ANGPT1: variants seen among roughly 807,000 people sequenced by gnomAD.
The protein encoded by ANGPT1 is angiopoietin-1.
A neutral mutation model predicts 62.2 loss-of-function variants in ANGPT1; 17 were observed. That is an observed-to-expected ratio of 0.27 (90% CI 0.19 to 0.41). The LOEUF is 0.41. ANGPT1 is among the 10% of genes least tolerant of loss of function. ANGPT1 has a pLI of 1.00. For synonymous variants in ANGPT1, 199 were observed against 198.9 expected, an observed-to-expected ratio of 1.00 and a Z score of 0.00; for missense variants, 478 against 594.9, an observed-to-expected ratio of 0.80 and a Z score of 2.04.
intron 5 of ANGPT1, among the ~76,000 whole-genome samples, chr8:107,301,961 C>T (rs774697181): frequency 9.9e-5 from 15 of 151,886 alleles, no homozygotes; most frequent in Non-Finnish European, 1.9e-4. Context: ...CTCCAGGATT[C>T]ATTTCCTTTG....
intron 4 of ANGPT1, among the ~76,000 whole-genome samples, chr8:107,319,082 G>T: frequency 6.6e-6 from 1 of 152,146 alleles, no homozygotes; most frequent in East Asian, 1.9e-4. Flanking sequence ...ACTGAATCTT[G>T]TCCATCGAAG....
At chr8:107,460,107 C>A (rs1047263169) in intron 1 of ANGPT1, among the ~76,000 whole-genome samples, 6 of 152,192 alleles carry the variant, frequency 3.9e-5, no homozygotes, top group African/African-American at 1.4e-4. Context: ...CACGTCTGAG[C>A]ATTTCACAGT....
At chr8:107,259,549 T>A (rs1282318835) in intron 8 of ANGPT1, among the ~76,000 whole-genome samples, 1 of 152,144 alleles carries the variant, frequency 6.6e-6, no homozygotes, top group Admixed American at 6.5e-5. Context: ...AGTTTCTACT[T>A]CAATAGATTC....
At chr8:107,317,050 C>T (rs895928849) in intron 4 of ANGPT1, among the ~76,000 whole-genome samples, 2 of 152,176 alleles carry the variant, frequency 1.3e-5, no homozygotes, top group African/African-American at 4.8e-5. Flanking sequence ...CAAGAAAACT[C>T]TAGAGATGCT....
chr8:107,350,853 A>C (rs1463410537), intron 1 of ANGPT1, among the ~76,000 whole-genome samples: 1 of 152,166 alleles, frequency 6.6e-6, no homozygotes, highest in Non-Finnish European at 1.5e-5. Context: ...TGTGATTAAT[A>C]AGGAGGACTG....
chr8:107,403,306 G>A (rs976937203), intron 1 of ANGPT1, among the ~76,000 whole-genome samples: 19 of 152,190 alleles, frequency 1.2e-4, no homozygotes, highest in African/African-American at 4.1e-4. Context: ...CTGGAACTTT[G>A]TTATTTGCGA....
At chr8:107,302,441 G>A (rs182459357) in intron 5 of ANGPT1, among the ~76,000 whole-genome samples, 25 of 151,992 alleles carry the variant, frequency 1.6e-4, no homozygotes, top group Admixed American at 5.3e-4. Flanking sequence ...CATATACCCT[G>A]CTTTACACAG....
chr8:107,347,248 G>C (rs1815826678), intron 1 of ANGPT1, 151 bp from the exon 2 acceptor site: 2 of 681,232 alleles, frequency 2.9e-6, no homozygotes, highest in African/African-American at 1.8e-5. Flanking sequence ...AGAAATGGGA[G>C]CAGAGCACAC....
intron 4 of ANGPT1, among the ~76,000 whole-genome samples, chr8:107,306,408 C>T (rs1396178996): frequency 6.6e-6 from 1 of 152,036 alleles, no homozygotes; most frequent in Non-Finnish European, 1.5e-5. Context: ...GTATTTTAAG[C>T]TTTACCTAAA....
intron 1 of ANGPT1, among the ~76,000 whole-genome samples, chr8:107,421,496 T>A (rs1810893705): frequency 6.6e-6 from 1 of 152,156 alleles, no homozygotes; most frequent in Admixed American, 6.5e-5. Flanking sequence ...ATCCCAAAGC[T>A]ATGTTTTATA....
intron 1 of ANGPT1, among the ~76,000 whole-genome samples, chr8:107,459,817 G>A (rs896287175): frequency 2.0e-5 from 3 of 152,100 alleles, no homozygotes; most frequent in Non-Finnish European, 4.4e-5. Context: ...ATCCAAAGAC[G>A]CATCAAGTGA....
At chr8:107,401,386 A>T (rs1817045854) in intron 1 of ANGPT1, among the ~76,000 whole-genome samples, 2 of 152,184 alleles carry the variant, frequency 1.3e-5, no homozygotes, top group Admixed American at 1.3e-4. Context: ...CAAATAAAAT[A>T]CTCTCACAGG....
chr8:107,362,699 G>GTTATA (rs1390347787), intron 1 of ANGPT1, among the ~76,000 whole-genome samples: 1 of 152,068 alleles, frequency 6.6e-6, no homozygotes, highest in Non-Finnish European at 1.5e-5. Flanking sequence ...TATGAGATGT[G>GTTATA]TTATATTAAA....
intron 1 of ANGPT1, among the ~76,000 whole-genome samples, chr8:107,378,963 A>C (rs1008227680): frequency 6.6e-6 from 1 of 150,628 alleles, no homozygotes; most frequent in Admixed American, 6.7e-5. Flanking sequence ...ATTATATATA[A>C]CTGCTTCAAG....
rs546531289 is a variant in ANGPT1 at position 107,305,048 on chromosome 8, A to G, written c.809-1681T>C. ...TGGATTATATAAAGGTATCCATTTC[A>G]AAAGCATTGACGTAGTTTACTGGTA... On this transcript the variant is annotated intron_variant, in intron 4 of 8. Transcript: ENST00000517746. Among the ~76,000 whole-genome samples, 5 of 152,200 alleles carry G rather than the reference A, an allele frequency of 3.3e-5. No individual in the cohort carries two copies. In the East Asian group the frequency reaches 9.7e-4, roughly 29 times the overall value.
At chr8:107,259,477 G>A (rs574770436) in intron 8 of ANGPT1, among the ~76,000 whole-genome samples, 80 of 152,224 alleles carry the variant, frequency 5.3e-4, no homozygotes, top group African/African-American at 1.8e-3. Context: ...AATATCCTTC[G>A]TTAGCTTTAG....
At chr8:107,451,515 T>C (rs1811778225) in intron 1 of ANGPT1, among the ~76,000 whole-genome samples, 1 of 152,006 alleles carries the variant, frequency 6.6e-6, no homozygotes, top group Non-Finnish European at 1.5e-5. Flanking sequence ...GTAAATGCTT[T>C]AGTACTATAG....
rs547622674 is a variant in ANGPT1 at position 107,387,566 on chromosome 8, C to T, written c.298-40469G>A. On this transcript the variant is annotated intron_variant, in intron 1 of 8. Transcript: ENST00000517746. ...CTATTTGTAATAGTAATAAATAGTA[C>T]GATAGCACGAATCATACTATAGTAC... is the stretch of plus-strand genomic sequence containing the variant. 5.3e-5 allele frequency among the ~76,000 whole-genome samples: 8 copies of T among 151,832 alleles called. No individual in the cohort carries two copies. The East Asian group carries it at 5.8e-4, about 11-fold the overall frequency.
At chr8:107,314,729 G>A (rs751946099) in intron 4 of ANGPT1, among the ~76,000 whole-genome samples, 8 of 152,262 alleles carry the variant, frequency 5.3e-5, no homozygotes, top group Non-Finnish European at 8.8e-5. Context: ...ATGACTTCCT[G>A]TATTTTTCTT....
Sources: allele counts gnomAD v4.1 joint callset (sites outside exome capture counted in the v4.1 genomes callset), GRCh38; gene constraint gnomAD v4.1.1; transcripts MANE v1.5; gene names NCBI Gene and HGNC (gene_info 2026-07-23, HGNC 2026-07-21).